The following UVRAG variants were observed in gnomAD, a reference collection of about 807,000 sequenced individuals.
UVRAG encodes the protein UV radiation resistance associated.
Under a neutral mutation model 78.0 loss-of-function variants are expected in UVRAG, and 19 were observed. The observed-to-expected ratio is 0.24, with a 90% CI of 0.17 to 0.36. The LOEUF is 0.36. Among genes scored for constraint, UVRAG ranks in the 10% least tolerant of loss-of-function variants. The pLI is 1.00. For missense variants in UVRAG, 740 were observed against 853.8 expected, an observed-to-expected ratio of 0.87 and a Z score of 1.66; for synonymous variants, 323 against 324.6, an observed-to-expected ratio of 1.00 and a Z score of 0.05.
At chr11:75,842,312 A>G (rs928702384) in intron 1 of UVRAG, among the ~76,000 whole-genome samples, 2 of 152,188 alleles carry the variant, frequency 1.3e-5, no homozygotes, top group Non-Finnish European at 2.9e-5. Context: ...TGGAAACTGC[A>G]GTCGGTCACA....
At chr11:75,894,295 G>A (rs922090012) in intron 5 of UVRAG, among the ~76,000 whole-genome samples, 8 of 151,770 alleles carry the variant, frequency 5.3e-5, no homozygotes, top group Non-Finnish European at 4.4e-5. Flanking sequence ...GCAATTTGAC[G>A]TTATTGTGAC....
At chr11:75,939,948 C>T (rs188148086) in intron 6 of UVRAG, among the ~76,000 whole-genome samples, 193 of 152,228 alleles carry the variant, frequency 1.3e-3, no homozygotes, top group Non-Finnish European at 2.1e-3. Flanking sequence ...TGGAGAAATT[C>T]GTTAAGCCAA....
intron 1 of UVRAG, among the ~76,000 whole-genome samples, chr11:75,838,642 C>T (rs919851775): frequency 1.3e-5 from 2 of 152,132 alleles, no homozygotes; most frequent in Admixed American, 6.5e-5. Context: ...TATGGGCCAC[C>T]GTACCCAGCC....
chr11:75,843,909 A>G (rs1352207200), intron 1 of UVRAG, among the ~76,000 whole-genome samples: 1 of 149,862 alleles, frequency 6.7e-6, no homozygotes, highest in Admixed American at 6.7e-5. Flanking sequence ...CAGTGAGCTG[A>G]GATTGCGCCA....
chr11:75,884,318 A>C (rs896592468), intron 4 of UVRAG, among the ~76,000 whole-genome samples: 1 of 150,944 alleles, frequency 6.6e-6, no homozygotes, highest in African/African-American at 2.4e-5. Context: ...TGAGTTGTAA[A>C]GTTCTTTATG....
intron 7 of UVRAG, among the ~76,000 whole-genome samples, 181 bp downstream of exon 7, chr11:75,961,730 C>T (rs1948915348): frequency 6.6e-6 from 1 of 152,130 alleles, no homozygotes; most frequent in Non-Finnish European, 1.5e-5. Flanking sequence ...TAATGTAACG[C>T]ATGAAGTGCC....
chr11:76,093,441 C>A (rs1488449952), intron 13 of UVRAG, among the ~76,000 whole-genome samples: 1 of 152,138 alleles, frequency 6.6e-6, no homozygotes, highest in African/African-American at 2.4e-5. Flanking sequence ...CTATAAATTA[C>A]CTTGGGCAGT....
At chr11:76,128,197 C>T (rs771137318) in intron 14 of UVRAG, among the ~76,000 whole-genome samples, 6 of 152,194 alleles carry the variant, frequency 3.9e-5, no homozygotes, top group Non-Finnish European at 5.9e-5. Context: ...TACCCCTGAG[C>T]TCCGCCTCCT....
rs1950923983 is a variant in UVRAG, at chr11:76,053,859, ACTCGGGAGG to A, written c.1227-11848_1227-11840del. Among the ~76,000 whole-genome samples the A allele has an allele frequency of 2.0e-5, 3 of 151,370 alleles. No individual in the cohort carries two copies. The South Asian group carries it at 6.3e-4, about 32-fold the overall frequency. ...GTGGCATGCGCCTGTAATCCCTGCT[ACTCGGGAGG>A]CTGAGGCAGGGGAATCATTTGAACC... is the stretch of plus-strand genomic sequence containing the variant. On this transcript the variant is annotated intron_variant, in intron 12 of 14. Coordinates refer to ENST00000356136, the MANE Select transcript of UVRAG (RefSeq NM_003369.4).
intron 7 of UVRAG, among the ~76,000 whole-genome samples, chr11:75,969,767 G>GT (rs936353900): frequency 6.6e-6 from 1 of 152,196 alleles, no homozygotes; most frequent in African/African-American, 2.4e-5. Flanking sequence ...AAATGATGCT[G>GT]TAAGTACTTT....
At chr11:75,849,087 A>G (rs1485159458) in intron 1 of UVRAG, among the ~76,000 whole-genome samples, 2 of 152,196 alleles carry the variant, frequency 1.3e-5, no homozygotes, top group Non-Finnish European at 2.9e-5. Context: ...GTGAGACAGG[A>G]GAATCACTTG....
intron 7 of UVRAG, among the ~76,000 whole-genome samples, chr11:75,965,380 C>T (rs1215266786): frequency 6.6e-6 from 1 of 152,182 alleles, no homozygotes; most frequent in Non-Finnish European, 1.5e-5. Flanking sequence ...GGCGCGATCT[C>T]GGCTCACTGC....
chr11:75,840,921 G>T (rs990541908), intron 1 of UVRAG, among the ~76,000 whole-genome samples: 49 of 151,954 alleles, frequency 3.2e-4, no homozygotes, highest in Admixed American at 7.9e-4. Context: ...TCTGTTTTTT[G>T]TTTTTTTGTT....
At chr11:75,995,514 AAAG>A (rs1478750798) in intron 8 of UVRAG, among the ~76,000 whole-genome samples, 13 of 151,700 alleles carry the variant, frequency 8.6e-5, no homozygotes, top group African/African-American at 3.1e-4. Context: ...AAAAAAAAAA[AAAG>A]AGTAATTAAG....
chr11:75,919,064 CAACT>C (rs1947920271), intron 6 of UVRAG, among the ~76,000 whole-genome samples: 1 of 152,106 alleles, frequency 6.6e-6, no homozygotes, highest in Middle Eastern at 3.2e-3. Flanking sequence ...AAAGTACTGT[CAACT>C]ATAAAATTCC....
intron 12 of UVRAG, among the ~76,000 whole-genome samples, chr11:76,017,492 G>A (rs1950170369): frequency 6.6e-6 from 1 of 152,048 alleles, no homozygotes; most frequent in Non-Finnish European, 1.5e-5. Flanking sequence ...AATTTTAAGA[G>A]ATAATGACTA....
At chr11:75,940,185 C>T (rs540644806) in intron 6 of UVRAG, among the ~76,000 whole-genome samples, 1 of 152,212 alleles carries the variant, frequency 6.6e-6, no homozygotes, top group African/African-American at 2.4e-5. Context: ...GAAACTTGGC[C>T]TTTCTAAACT....
At chr11:76,119,730 C>G (rs1252133101) in intron 14 of UVRAG, among the ~76,000 whole-genome samples, 1 of 152,204 alleles carries the variant, frequency 6.6e-6, no homozygotes, top group East Asian at 1.9e-4. Context: ...TATTGCCACT[C>G]CAGTCCAAGC....
intron 1 of UVRAG, among the ~76,000 whole-genome samples, chr11:75,845,855 G>T (rs1161437277): frequency 6.6e-6 from 1 of 151,588 alleles, no homozygotes; most frequent in East Asian, 1.9e-4. Flanking sequence ...TGAGCCTAAA[G>T]GTTGCCCAAA....
Sources: allele counts gnomAD v4.1 joint callset (sites outside exome capture counted in the v4.1 genomes callset), GRCh38; gene constraint gnomAD v4.1.1; transcripts MANE v1.5; gene names NCBI Gene and HGNC (gene_info 2026-07-23, HGNC 2026-07-21).